The following SMG1 variants were observed in gnomAD, a reference collection of about 807,000 sequenced individuals.
SMG1 encodes the protein serine/threonine-protein kinase SMG1.
SMG1 carries 22 observed loss-of-function variants against 419.9 expected under a neutral mutation model. The observed-to-expected ratio is 0.05, with a 90% CI of 0.04 to 0.07. The LOEUF (loss-of-function observed/expected upper bound fraction) is 0.07, where lower values mean the gene tolerates loss of function less well. Among genes scored for constraint, SMG1 ranks in the 10% least tolerant of loss-of-function variants. The pLI is 1.00. For synonymous variants in SMG1, 1,538 were observed against 1,553.5 expected, an observed-to-expected ratio of 0.99 and a Z score of 0.23; for missense variants, 3,185 against 4,342.0, an observed-to-expected ratio of 0.73 and a Z score of 7.49.
At chr16:18,865,699 G>A (rs1300757873) in intron 23 of SMG1, among the ~76,000 whole-genome samples, 1 of 141,170 alleles carries the variant, frequency 7.1e-6, no homozygotes, top group Non-Finnish European at 1.5e-5. Context: ...TTTCGCTCTT[G>A]TTGCCCAGGC....
chr16:18,828,151 T>C lies in SMG1; in HGVS notation c.9621A>G (p.Leu3207=), dbSNP rs759053736. 4 of 1,613,218 alleles carry C rather than the reference T, an allele frequency of 2.5e-6. No individual in the cohort carries two copies. The highest frequency in any genetic ancestry group is 3.4e-6 in the Non-Finnish European group (4 of 1,179,514). The change falls in exon 55 of 63, where the codon CTA becomes CTG. Residue 3207 remains leucine (L), a synonymous_variant. Coordinates refer to ENST00000446231, the MANE Select transcript of SMG1 (RefSeq NM_015092.5). The stretch of plus-strand genomic sequence containing the variant: ...ACATGGCTTGTGGTCTATTGATAAG[T>C]AGATCTTCATGTTGCCACTGTTGAG... The part of the protein sequence containing the change: ...IAMFQWQHED[L]LINRPQAMSV...
In SMG1 at chr16:18,879,439, G is replaced by C. The variant is rs200503502; in HGVS notation, c.1518+56C>G. ...CAAAGCCCTTAATTTCTTACATATC[G>C]ATTTAAGGGCCTGAATAAACCAACA... On this transcript the variant is annotated intron_variant, in intron 11 of 62. Coordinates refer to ENST00000446231, the MANE Select transcript of SMG1 (RefSeq NM_015092.5). 206 of 1,159,258 alleles carry C rather than the reference G, an allele frequency of 1.8e-4. 3 individuals are homozygous for C. In the East Asian group the frequency reaches 4.6e-3, roughly 26 times the overall value. 71.8% of individuals were successfully genotyped at this position (1,159,258 alleles called of 1,614,324 possible).
At position 18,829,881 on chromosome 16, in the gene SMG1, A is replaced by C. The variant is rs534885260; in HGVS notation, c.9133+45T>G. ...CCTACTCTATCCTGCCCCCTTCCAT[A>C]GTGCTACATAGCTAAAGCTAGTATG... On this transcript the variant is annotated intron_variant, in intron 53 of 62. Transcript: ENST00000446231. The C allele has an allele frequency of 2.0e-6, 3 of 1,464,824 alleles. No individual in the cohort carries two copies. The South Asian group carries it at 4.2e-5, about 21-fold the overall frequency. The allele number at this position is 1,464,824 out of a possible 1,614,324, so 90.7% of individuals were successfully genotyped here. A position where few individuals can be genotyped will look rare whatever the true frequency, so the allele number is the denominator to read the frequency against.
At chr16:18,878,616 AAAAAG>A (rs1024183807) in intron 11 of SMG1, 11 of 152,252 alleles carry the variant, frequency 7.2e-5, no homozygotes, top group African/African-American at 2.7e-4. Flanking sequence ...CAAAAAAAAA[AAAAAG>A]AAAAGAAAAG....
At chr16:18,875,049 G>A (rs1252311258) in intron 13 of SMG1, 1 of 152,170 alleles carries the variant, frequency 6.6e-6, no homozygotes, top group South Asian at 2.1e-4. Context: ...TGTGGAGGAT[G>A]GGACCCAAGT....
chr16:18,854,174 C>G (rs1211128683), intron 30 of SMG1, among the ~76,000 whole-genome samples: 1 of 140,788 alleles, frequency 7.1e-6, no homozygotes, highest in East Asian at 2.2e-4. Context: ...GTAGCCTCAA[C>G]TTCCCAGGCT....
chr16:18,864,191 T>C (rs6497296), intron 23 of SMG1, 47 bp from the exon 24 acceptor site: 108,343 of 609,226 alleles, frequency 0.18, 2,547 homozygotes, highest in African/African-American at 0.24. Flanking sequence ...TACTTACTTT[T>C]TTTTTTTTTT....
At chr16:18,865,681 A>G (rs1169655229) in intron 23 of SMG1, among the ~76,000 whole-genome samples, 1 of 145,304 alleles carries the variant, frequency 6.9e-6, no homozygotes, top group Non-Finnish European at 1.5e-5. Context: ...TTTTTTTTGG[A>G]GACAGAGTTT....
At chr16:18,813,080 T>G (rs557190499) in intron 60 of SMG1, among the ~76,000 whole-genome samples, 1 of 152,030 alleles carries the variant, frequency 6.6e-6, no homozygotes, top group African/African-American at 2.4e-5. Flanking sequence ...TGTTGGACAT[T>G]TGGGTTGGTT....
intron 1 of SMG1, among the ~76,000 whole-genome samples, chr16:18,903,563 TA>T (rs2037433315): frequency 6.6e-6 from 1 of 152,230 alleles, no homozygotes; most frequent in South Asian, 2.1e-4. Flanking sequence ...CAGCAAGAGC[TA>T]ACATTTTAGC....
intron 55 of SMG1, among the ~76,000 whole-genome samples, chr16:18,822,479 G>T (rs2032626420): frequency 2.5e-5 from 1 of 39,416 alleles, no homozygotes; most frequent in African/African-American, 8.7e-5. Flanking sequence ...CATATGGCTA[G>T]CCAGTTTTCC....
At chr16:18,887,752 T>C (rs1567428309) in intron 6 of SMG1, among the ~76,000 whole-genome samples, 1 of 30,222 alleles carries the variant, frequency 3.3e-5, no homozygotes, top group African/African-American at 1.5e-4. Flanking sequence ...ATAAAGCATA[T>C]CAAAAACAGT....
rs909230139 is a variant in SMG1 at position 18,853,858 on chromosome 16, G to A, written c.4493C>T (p.Thr1498Ile). The A allele has an allele frequency of 4.3e-6, 7 of 1,610,030 alleles. No homozygotes were observed. Among genetic ancestry groups the A allele is most frequent in the Non-Finnish European group, 5.9e-6 (7 of 1,177,420 alleles). ...TKLLYTAGQS[T>I]HAMEMLSSCA... ...AGAACTCAACATTTCCATTGCATGT[G>A]TTGACTGGCCTACAGAAAACCACAA... The change falls in exon 31 of 63, where the codon ACA becomes ATA. Residue 1498 changes from threonine (T) to isoleucine (I), a missense_variant. This residue lies in a region of SMG1 where 493 missense variants were observed against 552.9 expected (regional missense o/e 0.89). Transcript: ENST00000446231.
At chr16:18,890,411 GT>G (rs1477219174) in intron 5 of SMG1, among the ~76,000 whole-genome samples, 4 of 152,204 alleles carry the variant, frequency 2.6e-5, no homozygotes, top group African/African-American at 9.7e-5. Context: ...GCTAAGGTGG[GT>G]GGATTACCTG....
intron 23 of SMG1, chr16:18,866,420 T>C (rs1315071820): frequency 3.3e-6 from 2 of 602,708 alleles, no homozygotes; most frequent in Non-Finnish European, 5.9e-6. Context: ...TTGCCACTAA[T>C]TCTTCAGTAA....
At chr16:18,912,705 T>C (rs1229147783) in intron 1 of SMG1, among the ~76,000 whole-genome samples, 1 of 152,136 alleles carries the variant, frequency 6.6e-6, no homozygotes, top group Non-Finnish European at 1.5e-5. Flanking sequence ...TTTATAATTT[T>C]AGTATTCTCA....
At chr16:18,915,731 C>T (rs557493013) in intron 1 of SMG1, among the ~76,000 whole-genome samples, 1 of 152,172 alleles carries the variant, frequency 6.6e-6, no homozygotes, top group Admixed American at 6.5e-5. Context: ...TGACTGAGGT[C>T]ATGGTTACAC....
In SMG1 at chr16:18,844,598, T is replaced by A. The variant is rs141746920; in HGVS notation, c.6219+831A>T. Among the ~76,000 whole-genome samples the A allele has an allele frequency of 1.4e-3, 132 of 92,714 alleles. 2 individuals are homozygous for A. The highest frequency in any genetic ancestry group is 6.2e-3 in the African/African-American group (126 of 20,222). 60.8% of individuals were successfully genotyped at this position (92,714 alleles called of 152,430 possible). A position where few individuals can be genotyped will look rare whatever the true frequency, so the allele number is the denominator to read the frequency against. ...CACACACACACGGAAACTCGAGTTTTGGCAAGAACACATAATAAACTTCAT... is the reference window on the plus strand; with the variant it reads ...CACACACACACGGAAACTCGAGTTTAGGCAAGAACACATAATAAACTTCAT... On this transcript the variant is annotated intron_variant, in intron 39 of 62. Coordinates refer to ENST00000446231, the MANE Select transcript of SMG1 (RefSeq NM_015092.5).
At position 18,838,671 on chromosome 16, in the gene SMG1, C is replaced by T. The variant is rs768158721; in HGVS notation, c.6964G>A (p.Ala2322Thr). ...ATGTATCCAACCATAGACATGACTG[C>T]AGTAGATCTTGCATAAGACTAAAGG... ...RVTQSYARST[A>T]VMSMVGYIIG... Residue 2322 changes from alanine to threonine, a missense_variant, in exon 43 of 63, where the codon GCA becomes ACA. Ala to Thr is a moderately conservative substitution (Grantham distance 58). Coordinates refer to ENST00000446231, the MANE Select transcript of SMG1 (RefSeq NM_015092.5). The T allele has an allele frequency of 6.2e-7, 1 of 1,605,054 alleles. No homozygotes were observed. The highest frequency in any genetic ancestry group is 8.5e-7 in the Non-Finnish European group (1 of 1,176,004).
Sources: allele counts gnomAD v4.1 joint callset (sites outside exome capture counted in the v4.1 genomes callset), GRCh38; gene constraint gnomAD v4.1.1; regional missense constraint gnomAD v4.1.1; transcripts MANE v1.5; gene names NCBI Gene and HGNC (gene_info 2026-07-23, HGNC 2026-07-21).